RSRC1: variants seen among roughly 807,000 people sequenced by gnomAD.
RSRC1 encodes the protein serine/Arginine-related protein 53.
Under a neutral mutation model 49.1 loss-of-function variants are expected in RSRC1, and 39 were observed. The observed-to-expected ratio is 0.79, with a 90% CI of 0.61 to 1.04. The LOEUF is 1.04. Ranked by LOEUF, RSRC1 falls within the 50% of genes least tolerant of loss-of-function variation. The pLI is 0.00. For missense variants in RSRC1, 388 were observed against 402.4 expected (o/e 0.96, Z 0.31); for synonymous variants, 143 against 130.8 (o/e 1.09, Z -0.63).
intron 6 of RSRC1, among the ~76,000 whole-genome samples, chr3:158,451,595 G>A (rs1737036928): frequency 6.6e-6 from 1 of 151,952 alleles, no homozygotes; most frequent in South Asian, 2.1e-4. Context: ...CAAAGGAAAT[G>A]AAATCCTAAA....
At chr3:158,408,248 C>T (rs1272812245) in intron 6 of RSRC1, among the ~76,000 whole-genome samples, 2 of 152,104 alleles carry the variant, frequency 1.3e-5, no homozygotes, top group African/African-American at 4.8e-5. Context: ...ATTTAGCTGT[C>T]GTTTTTAGAG....
chr3:158,527,548 T>C (rs1712116638), intron 7 of RSRC1, among the ~76,000 whole-genome samples: 1 of 151,952 alleles, frequency 6.6e-6, no homozygotes, highest in Admixed American at 6.6e-5. Flanking sequence ...AATAAACCAA[T>C]ACATCCACTT....
intron 4 of RSRC1, among the ~76,000 whole-genome samples, chr3:158,212,746 C>G (rs940762940): frequency 7.2e-5 from 11 of 151,946 alleles, no homozygotes; most frequent in African/African-American, 2.7e-4. Flanking sequence ...AGGGAATAAA[C>G]TTGGAGTGCC....
intron 7 of RSRC1, among the ~76,000 whole-genome samples, chr3:158,510,578 G>A (rs183907723): frequency 2.8e-4 from 42 of 152,096 alleles, no homozygotes; most frequent in African/African-American, 9.4e-4. Context: ...TCTGATACAG[G>A]CATGCAATGC....
intron 4 of RSRC1, among the ~76,000 whole-genome samples, chr3:158,282,495 G>A (rs1235614784): frequency 6.6e-6 from 1 of 152,218 alleles, no homozygotes. Context: ...TCAAAGGTCT[G>A]TGTAGTAATG....
chr3:158,512,768 GT>G (rs1487590944), intron 7 of RSRC1, among the ~76,000 whole-genome samples: 1 of 151,098 alleles, frequency 6.6e-6, no homozygotes, highest in Admixed American at 6.6e-5. Context: ...TCTTCCATTT[GT>G]TTGTATCCTC....
At chr3:158,321,183 C>G (rs1227502759) in intron 5 of RSRC1, among the ~76,000 whole-genome samples, 3 of 151,784 alleles carry the variant, frequency 2.0e-5, no homozygotes, top group Non-Finnish European at 4.4e-5. Flanking sequence ...CCCTCAACCT[C>G]TCTTTCCTTC....
chr3:158,256,155 T>A (rs1724541612), intron 4 of RSRC1, among the ~76,000 whole-genome samples: 2 of 152,176 alleles, frequency 1.3e-5, no homozygotes, highest in African/African-American at 4.8e-5. Flanking sequence ...TCAGAGGGAA[T>A]GCTTCCAGTT....
At chr3:158,270,563 A>G (rs758291529) in intron 4 of RSRC1, among the ~76,000 whole-genome samples, 9 of 152,110 alleles carry the variant, frequency 5.9e-5, no homozygotes, top group Admixed American at 3.9e-4. Context: ...CTCACTGTTT[A>G]CTTGCTGTGT....
chr3:158,148,936 G>A (rs1031621288), intron 3 of RSRC1, among the ~76,000 whole-genome samples: 8 of 151,784 alleles, frequency 5.3e-5, no homozygotes, highest in African/African-American at 9.7e-5. Flanking sequence ...GGCACATGCC[G>A]CCACGCCTGG....
intron 5 of RSRC1, among the ~76,000 whole-genome samples, chr3:158,318,493 T>C (rs1345854130): frequency 6.6e-6 from 1 of 152,214 alleles, no homozygotes; most frequent in Admixed American, 6.6e-5. Context: ...TTTGCCCTTA[T>C]AGTTAAGGTG....
At chr3:158,253,198 A>C (rs1465386528) in intron 4 of RSRC1, among the ~76,000 whole-genome samples, 1 of 151,354 alleles carries the variant, frequency 6.6e-6, no homozygotes, top group Non-Finnish European at 1.5e-5. Flanking sequence ...TTTGATGTAG[A>C]TTCTTATTCC....
At chr3:158,436,363 A>G (rs1484035267) in intron 6 of RSRC1, among the ~76,000 whole-genome samples, 1 of 151,910 alleles carries the variant, frequency 6.6e-6, no homozygotes, top group Non-Finnish European at 1.5e-5. Context: ...AGTATGAACT[A>G]CAGAGCTAAA....
intron 4 of RSRC1, among the ~76,000 whole-genome samples, chr3:158,223,445 T>C (rs1300087256): frequency 6.6e-6 from 1 of 151,704 alleles, no homozygotes; most frequent in Non-Finnish European, 1.5e-5. Flanking sequence ...TTTCCATACG[T>C]GTCAAACAAA....
chr3:158,330,333 A>G lies in RSRC1; in HGVS notation c.532-24524A>G, dbSNP rs150266858. On this transcript the variant is annotated intron_variant, in intron 5 of 9. Coordinates refer to ENST00000611884, the MANE Select transcript of RSRC1 (RefSeq NM_001271838.2). ...CTGCGTCGCTCACTCTGGGAGCTGT[A>G]GACTGGAGCTGTTCCTATTCAGCCA... Among the ~76,000 whole-genome samples, 361 of 152,356 alleles carry G rather than the reference A, an allele frequency of 2.4e-3. 3 individuals carry two copies. The highest frequency in any genetic ancestry group is 8.2e-3 in the African/African-American group (342 of 41,590).
intron 7 of RSRC1, among the ~76,000 whole-genome samples, chr3:158,470,355 C>CATAT (rs1305618940): frequency 3.2e-4 from 37 of 117,204 alleles, no homozygotes; most frequent in African/African-American, 1.3e-3. Flanking sequence ...CACACACACA[C>CATAT]ACACACATAT....
At chr3:158,526,440 G>A (rs1712030590) in intron 7 of RSRC1, among the ~76,000 whole-genome samples, 2 of 152,096 alleles carry the variant, frequency 1.3e-5, no homozygotes, top group Non-Finnish European at 2.9e-5. Flanking sequence ...TTAGGATCAA[G>A]TGAAACATGC....
intron 3 of RSRC1, among the ~76,000 whole-genome samples, chr3:158,126,688 T>G (rs1315858735): frequency 6.6e-6 from 1 of 152,180 alleles, no homozygotes; most frequent in Non-Finnish European, 1.5e-5. Flanking sequence ...TATGTTTTCA[T>G]GTACTTTTGT....
intron 4 of RSRC1, among the ~76,000 whole-genome samples, chr3:158,230,118 T>C (rs1488674808): frequency 6.6e-6 from 1 of 152,098 alleles, no homozygotes; most frequent in Non-Finnish European, 1.5e-5. Flanking sequence ...TTGTCTTTCA[T>C]TACCTTGATA....
Sources: gnomAD v4.1 joint callset for allele counts (sites outside exome capture counted in the v4.1 genomes callset) on GRCh38, gnomAD v4.1.1 for gene constraint, MANE v1.5 for transcripts, NCBI Gene and HGNC (gene_info 2026-07-23, HGNC 2026-07-21) for gene names.